Variants in SCFD2 observed in about 807,000 individuals in gnomAD.
SCFD2 encodes the protein sec1 family domain-containing protein 2.
Under a neutral mutation model 58.9 loss-of-function variants are expected in SCFD2, and 54 were observed. The observed-to-expected ratio is 0.92, with a 90% confidence interval of 0.74 to 1.15. The LOEUF (loss-of-function observed/expected upper bound fraction) is 1.15. Ranked by LOEUF, SCFD2 falls within the 50% of genes most tolerant of loss-of-function variation. SCFD2 has a pLI of 0.00. For missense variants in SCFD2, 805 were observed against 836.6 expected (o/e 0.96, Z 0.47); for synonymous variants, 321 against 335.9 (o/e 0.96, Z 0.49).
intron 5 of SCFD2, among the ~76,000 whole-genome samples, chr4:53,072,213 G>C (rs1010138214): frequency 6.6e-6 from 1 of 152,104 alleles, no homozygotes; most frequent in African/African-American, 2.4e-5. Flanking sequence ...GAGAGAGAAA[G>C]GGTACTGTTA....
chr4:53,128,886 C>T (rs1725708069), intron 5 of SCFD2, among the ~76,000 whole-genome samples: 1 of 152,144 alleles, frequency 6.6e-6, no homozygotes, highest in South Asian at 2.1e-4. Flanking sequence ...ATGAAGAAAA[C>T]TTTCTTGGCC....
chr4:53,046,860 C>T (rs774077874), intron 5 of SCFD2, among the ~76,000 whole-genome samples: 16 of 152,118 alleles, frequency 1.1e-4, no homozygotes, highest in Non-Finnish European at 1.0e-4. Context: ...TTAGTAGAGA[C>T]GGGGTTTTGC....
intron 4 of SCFD2, among the ~76,000 whole-genome samples, chr4:53,226,817 A>C (rs1403486591): frequency 1.3e-5 from 2 of 152,194 alleles, no homozygotes; most frequent in African/African-American, 2.4e-5. Flanking sequence ...GTAAAAGAGA[A>C]GATCACTGTG....
At chr4:53,308,057 C>T (rs569109574) in intron 3 of SCFD2, among the ~76,000 whole-genome samples, 19 of 152,264 alleles carry the variant, frequency 1.2e-4, no homozygotes, top group African/African-American at 4.3e-4. Flanking sequence ...GAGTTTAGAT[C>T]TGAGAGACAA....
chr4:53,155,524 C>G (rs1027157834), intron 4 of SCFD2, among the ~76,000 whole-genome samples: 1 of 152,174 alleles, frequency 6.6e-6, no homozygotes, highest in Non-Finnish European at 1.5e-5. Context: ...TGTAGCAGCA[C>G]AGAACAGACT....
intron 4 of SCFD2, among the ~76,000 whole-genome samples, chr4:53,225,668 C>A (rs1729189730): frequency 6.6e-6 from 1 of 152,188 alleles, no homozygotes. Flanking sequence ...ATTCTAAAGA[C>A]TTAATGAATT....
chr4:52,920,026 TG>T (rs1246025069), intron 6 of SCFD2, among the ~76,000 whole-genome samples: 2 of 152,250 alleles, frequency 1.3e-5, no homozygotes, highest in South Asian at 2.1e-4. Flanking sequence ...AGCTCATCTT[TG>T]GCCACCAGGA....
chr4:53,161,579 C>T (rs1466736564), intron 4 of SCFD2, among the ~76,000 whole-genome samples: 1 of 152,062 alleles, frequency 6.6e-6, no homozygotes, highest in Admixed American at 6.5e-5. Context: ...TTTTTTGTAA[C>T]GTTTTTTCCC....
At chr4:53,121,595 G>A (rs774758199) in intron 5 of SCFD2, among the ~76,000 whole-genome samples, 2 of 152,166 alleles carry the variant, frequency 1.3e-5, no homozygotes, top group Non-Finnish European at 2.9e-5. Flanking sequence ...GTTCTTTCAG[G>A]TCCCTTCCAC....
At chr4:53,191,122 C>A (rs1727879637) in intron 4 of SCFD2, among the ~76,000 whole-genome samples, 1 of 151,886 alleles carries the variant, frequency 6.6e-6, no homozygotes, top group Admixed American at 6.6e-5. Context: ...CTGAGGAGGG[C>A]AGGTCACTTG....
chr4:52,907,183 C>G (rs74434940), intron 7 of SCFD2, among the ~76,000 whole-genome samples: 2,342 of 152,280 alleles, frequency 0.015, 71 homozygotes, highest in African/African-American at 0.052. Context: ...GGAGAGTTTT[C>G]AATAGTGCTG....
chr4:53,292,519 C>T (rs1285252441), intron 3 of SCFD2, among the ~76,000 whole-genome samples: 1 of 151,928 alleles, frequency 6.6e-6, no homozygotes, highest in Admixed American at 6.6e-5. Flanking sequence ...CTCATGCCAG[C>T]AGAATGGCAA....
At chr4:53,000,690 C>G (rs989674858) in intron 5 of SCFD2, among the ~76,000 whole-genome samples, 29 of 152,214 alleles carry the variant, frequency 1.9e-4, no homozygotes, top group African/African-American at 6.0e-4. Context: ...TGTGGGTATC[C>G]TTTGAACAGG....
At chr4:53,151,906 G>A (rs1384372969) in intron 4 of SCFD2, among the ~76,000 whole-genome samples, 1 of 152,166 alleles carries the variant, frequency 6.6e-6, no homozygotes, top group African/African-American at 2.4e-5. Context: ...ATAAGAGAGA[G>A]CAAGAGAGAA....
rs182862886 is a variant in SCFD2, at chr4:53,054,729, T to G, written c.1561+90604A>C. Among the ~76,000 whole-genome samples, 533 of 152,158 alleles carry G rather than the reference T, an allele frequency of 3.5e-3. 2 individuals carry two copies. Among genetic ancestry groups the G allele is most frequent in the African/African-American group, 0.012 (508 of 41,532 alleles). ...GTACAGTGGCACAATCACAGCTGCT[T>G]AGCAGCCTTGACCTCCTGGGCTTAA... On this transcript the variant is annotated intron_variant, in intron 5 of 8. Coordinates refer to ENST00000401642, the MANE Select transcript of SCFD2 (RefSeq NM_152540.4).
At chr4:52,887,303 C>T (rs1052547380) in intron 7 of SCFD2, among the ~76,000 whole-genome samples, 4 of 152,172 alleles carry the variant, frequency 2.6e-5, no homozygotes, top group African/African-American at 9.7e-5. Context: ...ATGGAACCTA[C>T]ACTAGATGCT....
At chr4:53,261,636 CCTA>C (rs1730831829) in intron 4 of SCFD2, among the ~76,000 whole-genome samples, 1 of 152,050 alleles carries the variant, frequency 6.6e-6, no homozygotes, top group Non-Finnish European at 1.5e-5. Context: ...TGTTTTGTGG[CCTA>C]TCATATAGTC....
intron 5 of SCFD2, among the ~76,000 whole-genome samples, chr4:53,066,675 A>T (rs1211879272): frequency 6.6e-6 from 1 of 152,046 alleles, no homozygotes. Flanking sequence ...GTTTTAGCAC[A>T]TTCTGTTCCA....
At position 53,325,224 on chromosome 4, in the gene SCFD2, T is replaced by TAA. The variant is rs34208247; in HGVS notation, c.1008-11463_1008-11462dup. ...GCGCACGCTTACATATTTGTGACAG[T>TAA]AAAAAAAAAAAAAAAGAGAAGACTC... On this transcript the variant is annotated intron_variant, in intron 2 of 8. Transcript: ENST00000401642. 2.2e-3 allele frequency among the ~76,000 whole-genome samples: 291 copies of TAA among 133,350 alleles called. 3 individuals carry two copies. The highest frequency in any genetic ancestry group is 6.3e-3 in the African/African-American group (232 of 36,546). 87.5% of individuals were successfully genotyped at this position (133,350 alleles called of 152,430 possible).
Sources: allele counts gnomAD v4.1 joint callset (sites outside exome capture counted in the v4.1 genomes callset), GRCh38; gene constraint gnomAD v4.1.1; transcripts MANE v1.5; gene names NCBI Gene and HGNC (gene_info 2026-07-23, HGNC 2026-07-21).